DIAPH3: variants seen among roughly 807,000 people sequenced by gnomAD.
DIAPH3 encodes the protein diaphanous related formin 3.
A neutral mutation model predicts 144.3 loss-of-function variants in DIAPH3; 117 were observed. The ratio of observed to expected loss-of-function variants is 0.81; its 90% CI spans 0.70 to 0.95. DIAPH3 has a LOEUF of 0.95. DIAPH3 is among the 40% of genes least tolerant of loss of function. The pLI is 0.00. For missense variants in DIAPH3, 1,421 were observed against 1,412.7 expected, an observed-to-expected ratio of 1.01 and a Z score of -0.09; for synonymous variants, 519 against 488.9, an observed-to-expected ratio of 1.06 and a Z score of -0.81.
intron 1 of DIAPH3, among the ~76,000 whole-genome samples, chr13:60,141,065 T>C (rs569069222): frequency 6.6e-6 from 1 of 152,292 alleles, no homozygotes; most frequent in South Asian, 2.1e-4. Flanking sequence ...TTGACACAAA[T>C]TCAATTTCTG....
At position 59,879,523 on chromosome 13, in the gene DIAPH3, C is replaced by G. The variant is rs571536378; in HGVS notation, c.2368-55G>C. On this transcript the variant is annotated intron_variant, in intron 20 of 27. Transcript: ENST00000400324. ...TTAAAATGCATGGTATAGTTTAGTACTGTACGACTGCAAGTAATCTGGGAT... is the reference window on the plus strand; with the variant it reads ...TTAAAATGCATGGTATAGTTTAGTAGTGTACGACTGCAAGTAATCTGGGAT... 34 of 1,608,040 alleles carry G rather than the reference C, an allele frequency of 2.1e-5. 1 individual carries two copies. The East Asian group carries it at 7.6e-4, about 36-fold the overall frequency.
intron 27 of DIAPH3, among the ~76,000 whole-genome samples, chr13:59,767,919 T>C (rs1049780890): frequency 6.6e-6 from 1 of 152,188 alleles, no homozygotes; most frequent in Non-Finnish European, 1.5e-5. Context: ...TGTTTGATAA[T>C]GACTATGCCA....
At chr13:59,764,835 A>G (rs948974078) in intron 27 of DIAPH3, among the ~76,000 whole-genome samples, 1 of 152,090 alleles carries the variant, frequency 6.6e-6, no homozygotes, top group African/African-American at 2.4e-5. Context: ...TCAGACTTCT[A>G]GCCTCCAGAA....
rs894420014 is a variant in DIAPH3, at chr13:60,132,846, T to C, written c.213+111A>G. 15 of 879,714 alleles carry C rather than the reference T, an allele frequency of 1.7e-5. No individual in the cohort carries two copies. The African/African-American group carries it at 2.0e-4, about 12-fold the overall frequency. The allele number at this position is 879,714 out of a possible 1,614,324, so 54.5% of individuals were successfully genotyped here. ...ATTTCAGCACTATAAGAATAGTACG[T>C]TTCCAATATATGTGACTTTTAGCCA... On this transcript the variant is annotated intron_variant, in intron 2 of 27. Coordinates refer to ENST00000400324, the MANE Select transcript of DIAPH3 (RefSeq NM_001042517.2).
chr13:59,960,825 C>G (rs570533067), intron 17 of DIAPH3, among the ~76,000 whole-genome samples: 1 of 151,886 alleles, frequency 6.6e-6, no homozygotes, highest in African/African-American at 2.4e-5. Flanking sequence ...TTATTAGGCC[C>G]CAGTCCCATA....
At chr13:59,939,226 T>C (rs2048402983) in intron 17 of DIAPH3, among the ~76,000 whole-genome samples, 2 of 152,194 alleles carry the variant, frequency 1.3e-5, no homozygotes, top group South Asian at 2.1e-4. Flanking sequence ...CTCAAACTTA[T>C]ACATTGGTTT....
intron 25 of DIAPH3, among the ~76,000 whole-genome samples, chr13:59,781,134 G>C (rs1027137260): frequency 1.3e-5 from 2 of 152,124 alleles, no homozygotes; most frequent in Non-Finnish European, 2.9e-5. Flanking sequence ...AGCATACAAA[G>C]AAGATCCTAA....
chr13:59,834,476 A>G (rs2041940527), intron 23 of DIAPH3, among the ~76,000 whole-genome samples: 1 of 151,700 alleles, frequency 6.6e-6, no homozygotes, highest in South Asian at 2.1e-4. Flanking sequence ...ACAATTTCAA[A>G]AAGATATGGT....
intron 17 of DIAPH3, among the ~76,000 whole-genome samples, chr13:59,929,687 T>G (rs935003978): frequency 6.6e-6 from 1 of 150,602 alleles, no homozygotes; most frequent in African/African-American, 2.4e-5. Context: ...CTCGGCCTCC[T>G]GAGTAGCTGG....
intron 3 of DIAPH3, among the ~76,000 whole-genome samples, chr13:60,097,532 T>G (rs2058140894): frequency 6.6e-6 from 1 of 152,220 alleles, no homozygotes; most frequent in Non-Finnish European, 1.5e-5. Context: ...CCATGCTTCT[T>G]GTACAGCTTG....
rs988292124 is a variant in DIAPH3 at position 59,745,507 on chromosome 13, G to A, written c.3319+28682C>T. Among the ~76,000 whole-genome samples the A allele has an allele frequency of 2.0e-5, 3 of 152,196 alleles. No homozygotes were observed. The East Asian group carries it at 5.8e-4, about 29-fold the overall frequency. ...AAAAATGACTAGTGTTTGTAATAGA[G>A]ATATTCCTTGCACAACTGAGAATTA... On this transcript the variant is annotated intron_variant, in intron 27 of 27. Coordinates refer to ENST00000400324, the MANE Select transcript of DIAPH3 (RefSeq NM_001042517.2).
At chr13:60,108,348 T>C (rs1255729882) in intron 3 of DIAPH3, among the ~76,000 whole-genome samples, 4 of 152,036 alleles carry the variant, frequency 2.6e-5, no homozygotes, top group Non-Finnish European at 5.9e-5. Flanking sequence ...GTGGCTCACA[T>C]CTGTAATCCC....
chr13:60,097,887 A>G (rs2137947926), intron 3 of DIAPH3, among the ~76,000 whole-genome samples: 1 of 152,322 alleles, frequency 6.6e-6, no homozygotes, highest in South Asian at 2.1e-4. Flanking sequence ...ATTTCTATTT[A>G]TGGAAAACAA....
chr13:60,056,329 C>A (rs565832029), intron 4 of DIAPH3, among the ~76,000 whole-genome samples: 1 of 151,204 alleles, frequency 6.6e-6, no homozygotes, highest in Non-Finnish European at 1.5e-5. Flanking sequence ...TGGAGGGATA[C>A]AGATACATAG....
chr13:60,094,331 G>A (rs1056448479), intron 3 of DIAPH3, among the ~76,000 whole-genome samples: 31 of 152,004 alleles, frequency 2.0e-4, no homozygotes, highest in Non-Finnish European at 2.4e-4. Context: ...ACCTAAAATC[G>A]AACATTTCTC....
chr13:59,938,266 T>C (rs1232165327), intron 17 of DIAPH3, among the ~76,000 whole-genome samples: 3 of 152,190 alleles, frequency 2.0e-5, no homozygotes, highest in South Asian at 2.1e-4. Flanking sequence ...TGTAGTTCTA[T>C]GTTATCTTAC....
chr13:59,802,487 TAAC>T (rs1291041695), intron 25 of DIAPH3, among the ~76,000 whole-genome samples: 1 of 149,916 alleles, frequency 6.7e-6, no homozygotes, highest in Non-Finnish European at 1.5e-5. Context: ...TTTATCAAAA[TAAC>T]AATAACTCAT....
At chr13:59,750,815 T>A (rs149671950) in intron 27 of DIAPH3, among the ~76,000 whole-genome samples, 2 of 152,308 alleles carry the variant, frequency 1.3e-5, no homozygotes, top group Non-Finnish European at 2.9e-5. Context: ...GATAAACAGT[T>A]GCTACGATAT....
chr13:59,941,056 C>A (rs1045790542), intron 17 of DIAPH3, among the ~76,000 whole-genome samples: 2 of 152,078 alleles, frequency 1.3e-5, no homozygotes, highest in African/African-American at 4.8e-5. Flanking sequence ...AAAAGATAAA[C>A]CCTAGAATAA....
Sources: gnomAD v4.1 joint callset for allele counts (sites outside exome capture counted in the v4.1 genomes callset) on GRCh38, gnomAD v4.1.1 for gene constraint, MANE v1.5 for transcripts, NCBI Gene and HGNC (gene_info 2026-07-23, HGNC 2026-07-21) for gene names.